The following MYOM2 variants were observed in gnomAD, a reference collection of about 807,000 sequenced individuals.
MYOM2 encodes myomesin-2.
MYOM2 carries 254 observed loss-of-function variants against 187.6 expected under a neutral mutation model. That is an observed-to-expected ratio of 1.35 (90% CI 1.22 to 1.50). MYOM2 has a LOEUF of 1.50. Ranked by LOEUF, MYOM2 falls within the 40% of genes most tolerant of loss-of-function variation. The pLI is 0.00. For missense variants in MYOM2, 2,796 were observed against 1,924.0 expected (o/e 1.45, Z -8.48); for synonymous variants, 981 against 753.8 (o/e 1.30, Z -4.94).
chr8:2,127,434 C>T (rs1187011883), intron 31 of MYOM2, among the ~76,000 whole-genome samples: 1 of 152,222 alleles, frequency 6.6e-6, no homozygotes, highest in East Asian at 1.9e-4. Flanking sequence ...GACCTCATGC[C>T]CCTCCCTCCA....
At position 2,098,330 on chromosome 8, in the gene MYOM2, C is replaced by T. The variant is rs979707938; in HGVS notation, c.2314-527C>T. On this transcript the variant is annotated intron_variant, in intron 18 of 36. Coordinates refer to ENST00000262113, the MANE Select transcript of MYOM2 (RefSeq NM_003970.4). ...CCAGCCAGGCAGCGTCCCTGAGGGC[C>T]CGGTGGGTGGCCCCAGACTGCAGCA... is the stretch of plus-strand genomic sequence containing the variant. 2.2e-4 allele frequency among the ~76,000 whole-genome samples: 34 copies of T among 152,122 alleles called. 2 individuals carry two copies. The highest frequency in any genetic ancestry group is 2.4e-4 in the Non-Finnish European group (16 of 68,012).
intron 8 of MYOM2, among the ~76,000 whole-genome samples, chr8:2,069,924 T>A (rs975541025): frequency 1.3e-5 from 2 of 152,208 alleles, no homozygotes; most frequent in Non-Finnish European, 2.9e-5. Flanking sequence ...AGATGTTTTT[T>A]TTTTCTCCAA....
At chr8:2,098,776 C>G (rs960900005) in intron 18 of MYOM2, 81 bp from the exon 19 acceptor site, 2 of 1,389,354 alleles carry the variant, frequency 1.4e-6, no homozygotes, top group Non-Finnish European at 9.7e-7. Context: ...ATTTCACAAG[C>G]CAGTTATAAC....
chr8:2,122,126 C>T (rs1275931744), intron 28 of MYOM2, among the ~76,000 whole-genome samples: 2 of 152,146 alleles, frequency 1.3e-5, no homozygotes, highest in Non-Finnish European at 2.9e-5. Context: ...ACAGTATTGA[C>T]TTAAGAGACA....
intron 1 of MYOM2, among the ~76,000 whole-genome samples, chr8:2,046,423 C>T (rs780649345): frequency 2.0e-5 from 3 of 152,124 alleles, no homozygotes; most frequent in South Asian, 2.1e-4. Flanking sequence ...GTGGGCTGGA[C>T]GCTGTCAGGA....
At position 2,072,310 on chromosome 8, in the gene MYOM2, C is replaced by T. The variant is rs1047432899; in HGVS notation, c.794-35C>T. The T allele has an allele frequency of 6.2e-6, 10 of 1,600,324 alleles. No homozygotes were observed. The South Asian group carries it at 8.9e-5, about 14-fold the overall frequency. ...CCTCCATCGTTTCATGCTCTCTGCC[C>T]TTCGGCCCTGAAAGCCTCCATCGTT... On this transcript the variant is annotated intron_variant, in intron 8 of 36. Coordinates refer to ENST00000262113, the MANE Select transcript of MYOM2 (RefSeq NM_003970.4).
chr8:2,068,895 G>T (rs13263401), intron 6 of MYOM2, among the ~76,000 whole-genome samples: 23,343 of 152,196 alleles, frequency 0.15, 2,030 homozygotes, highest in East Asian at 0.23. Context: ...GACTGGTTCT[G>T]CTGGAGCTTG....
chr8:2,045,254 C>T (rs1045463485), intron 1 of MYOM2, 86 bp downstream of exon 1: 1 of 152,242 alleles, frequency 6.6e-6, no homozygotes, highest in Non-Finnish European at 1.5e-5. Context: ...TTCTAAGTAC[C>T]TCTACTTCAG....
chr8:2,100,601 G>T (rs1388805218), intron 19 of MYOM2: 1 of 438,442 alleles, frequency 2.3e-6, no homozygotes. Flanking sequence ...CTCTGTGATC[G>T]CATCTGCTGG....
intron 35 of MYOM2, 99 bp downstream of exon 35, chr8:2,142,496 C>T (rs1798307206): frequency 8.5e-7 from 1 of 1,179,926 alleles, no homozygotes; most frequent in Non-Finnish European, 1.3e-6. Flanking sequence ...TAAATAATAA[C>T]CAGCAATCCC....
rs142553698 is a variant in MYOM2, at chr8:2,130,714, G to A, written c.3800+1482G>A. Among the ~76,000 whole-genome samples, 720 of 152,312 alleles carry A rather than the reference G, an allele frequency of 4.7e-3. 5 individuals are homozygous for A. The highest frequency in any genetic ancestry group is 0.012 in the African/African-American group (503 of 41,550). On this transcript the variant is annotated intron_variant, in intron 32 of 36. Transcript: ENST00000262113. ...TTATTCAAACTCAAATGGAGTCACT[G>A]TAGATCCCATGTTAAGGGATTTGTT...
chr8:2,093,807 C>T (rs569339803), intron 16 of MYOM2, among the ~76,000 whole-genome samples, 163 bp from the exon 17 acceptor site: 1 of 152,342 alleles, frequency 6.6e-6, no homozygotes, highest in Admixed American at 6.5e-5. Flanking sequence ...TGTGACCTTA[C>T]TGTCGGACTC....
At chr8:2,077,007 A>G (rs1421327270) in intron 11 of MYOM2, among the ~76,000 whole-genome samples, 2 of 152,136 alleles carry the variant, frequency 1.3e-5, no homozygotes, top group Non-Finnish European at 2.9e-5. Context: ...GAAATTAGAC[A>G]GAGAGTAAAA....
At chr8:2,086,306 C>CCCCACTGTCGTGATCTCTGCGTGGCTT (rs1796043409) in intron 14 of MYOM2, among the ~76,000 whole-genome samples, 1 of 114,206 alleles carries the variant, frequency 8.8e-6, no homozygotes, top group Non-Finnish European at 1.9e-5. Flanking sequence ...CCGCGTGGCC[C>CCCCACTGTCGTGATCTCTGCGTGGCTT]CCCACAGTCG....
chr8:2,082,301 G>A (rs1819657364), intron 13 of MYOM2: 2 of 152,370 alleles, frequency 1.3e-5, no homozygotes, highest in South Asian at 4.1e-4. Flanking sequence ...GCCAAAGAAA[G>A]AGATCTATAA....
intron 36 of MYOM2, 108 bp downstream of exon 36, chr8:2,143,564 C>G (rs1347063392): frequency 3.7e-6 from 5 of 1,355,516 alleles, no homozygotes; most frequent in Non-Finnish European, 3.1e-6. Flanking sequence ...CTTCTGTGTC[C>G]TCACTCAGCC....
chr8:2,073,047 G>C (rs554112432), intron 9 of MYOM2, among the ~76,000 whole-genome samples: 4 of 152,272 alleles, frequency 2.6e-5, no homozygotes, highest in Admixed American at 6.5e-5. Context: ...GAGAAGCAGC[G>C]GGCCCCCAGG....
In MYOM2 at chr8:2,116,241, T is replaced by TG. The variant is rs759239842; in HGVS notation, c.3352dup (p.Glu1118GlyfsTer17). 1.5e-5 allele frequency: 24 copies of TG among 1,612,752 alleles called. No homozygotes were observed. Among genetic ancestry groups the TG allele is most frequent in the Non-Finnish European group, 2.0e-5 (23 of 1,179,248 alleles). ...CATTCAAGACTGTGCTGGAAGAGGC[T>TG]GAGTTTCAAAGGAAAGAATTTCTCA... On this transcript the variant is annotated frameshift_variant, in exon 27 of 37. Coordinates refer to ENST00000262113, the MANE Select transcript of MYOM2 (RefSeq NM_003970.4). LOFTEE classifies it high-confidence loss of function.
chr8:2,108,707 C>A, intron 23 of MYOM2, 79 bp from the exon 24 acceptor site: 1 of 1,372,502 alleles, frequency 7.3e-7, no homozygotes, highest in Non-Finnish European at 1.0e-6. Flanking sequence ...CAATCTTGCT[C>A]GTGTGTCGCC....
Sources: allele counts gnomAD v4.1 joint callset (sites outside exome capture counted in the v4.1 genomes callset), GRCh38; gene constraint gnomAD v4.1.1; transcripts MANE v1.5; gene names NCBI Gene and HGNC (gene_info 2026-07-23, HGNC 2026-07-21).